The following WDR33 variants were observed in gnomAD, a reference collection of about 807,000 sequenced individuals.
WDR33 encodes WD repeat domain 33.
In WDR33, 47 loss-of-function variants were observed where a neutral mutation model predicts 164.9. That is an observed-to-expected ratio of 0.29 (90% confidence interval 0.23 to 0.36). The LOEUF is 0.36. Ranked by LOEUF, WDR33 falls within the 10% of genes least tolerant of loss-of-function variation. The pLI, the probability that WDR33 is intolerant of heterozygous loss-of-function variation, is 1.00. For synonymous variants in WDR33, 505 were observed against 589.0 expected (o/e 0.86, Z 2.06); for missense variants, 1,137 against 1,754.1 (o/e 0.65, Z 6.28).
At position 127,724,276 on chromosome 2, in the gene WDR33, C is replaced by T; in HGVS notation, c.1196+57G>A. The T allele has an allele frequency of 1.6e-6, 2 of 1,275,188 alleles. No individual in the cohort carries two copies. Among genetic ancestry groups the T allele is most frequent in the Non-Finnish European group, 2.3e-6 (2 of 884,962 alleles). 79.0% of individuals were successfully genotyped at this position (1,275,188 alleles called of 1,614,324 possible). A position where few individuals can be genotyped will look rare whatever the true frequency, so the allele number is the denominator to read the frequency against. On this transcript the variant is annotated intron_variant, in intron 11 of 21. Transcript: ENST00000322313. The surrounding 1 kb of genome is among the most constrained non-coding windows in gnomAD (Gnocchi z 4.8). The stretch of plus-strand genomic sequence containing the variant: ...ATCAACCAATAAAAATAAACACATA[C>T]AGTATTTATTTCCTGTTGCTCCATA...
intron 18 of WDR33, among the ~76,000 whole-genome samples, chr2:127,711,790 T>TTTTTTTTTTTTTTG (rs70985474): frequency 9.1e-6 from 1 of 109,608 alleles, no homozygotes; most frequent in South Asian, 2.9e-4. Flanking sequence ...ATTTTTTTTT[T>TTTTTTTTTTTTTTG]GAGACAGAGT....
intron 7 of WDR33, among the ~76,000 whole-genome samples, chr2:127,758,679 T>C (rs1253553417): frequency 6.6e-6 from 1 of 152,162 alleles, no homozygotes; most frequent in Non-Finnish European, 1.5e-5. Context: ...AAATATGATG[T>C]CTCTCAGTAA....
In WDR33 at chr2:127,720,281, G is replaced by C. The variant is rs1434361625; in HGVS notation, c.1744C>G (p.Leu582Val). ...CCTGGAAAAGGCTGGGGTCCGAGGA[G>C]AGGGGTGCCAGATGAGGGAGGAGGC... ...IQPPPSSGTP[L>V]LGPQPFPGQG... Residue 582 changes from leucine to valine, a missense_variant, in exon 16 of 22, where the codon CTC (leucine) becomes GTC (valine). Leu to Val is a conservative substitution (Grantham distance 32). Transcript: ENST00000322313. The surrounding 1 kb of genome is among the most constrained non-coding windows in gnomAD (Gnocchi z 5.9). The C allele has an allele frequency of 2.6e-6, 4 of 1,529,784 alleles. No homozygotes were observed. The highest frequency in any genetic ancestry group is 2.3e-5 in the East Asian group (1 of 43,980). 94.8% of individuals were successfully genotyped at this position (1,529,784 alleles called of 1,614,324 possible).
intron 7 of WDR33, among the ~76,000 whole-genome samples, chr2:127,746,200 T>C (rs765691636): frequency 7.9e-5 from 12 of 152,136 alleles, no homozygotes; most frequent in Non-Finnish European, 1.6e-4. Flanking sequence ...AAAGAAGTCA[T>C]AGTTCTATTT....
chr2:127,788,224 G>A (rs1303857995), intron 1 of WDR33, among the ~76,000 whole-genome samples: 1 of 133,566 alleles, frequency 7.5e-6, no homozygotes, highest in Non-Finnish European at 1.6e-5. Context: ...CTCCCGGACA[G>A]GGCGGCTGGC....
Position 127,764,853 on chromosome 2 carries a change from G to T in WDR33, c.601C>A (p.His201Asn). 6.2e-7 allele frequency: 1 copy of T among 1,614,170 alleles called. No individual in the cohort carries two copies. The highest frequency in any genetic ancestry group is 8.5e-7 in the Non-Finnish European group (1 of 1,180,028). Reference sequence around the variant, plus strand: ...CTGGCCTCTCTAATCGCCTCCTTATGTGCCTGGAACATCTTGACGTTGTTC... The same window carrying T: ...CTGGCCTCTCTAATCGCCTCCTTATTTGCCTGGAACATCTTGACGTTGTTC... ...NMNNVKMFQA[H>N]KEAIREASFS... The change falls in exon 6 of 22, where the codon CAT becomes AAT. Residue 201 changes from histidine (H) to asparagine (N), a missense_variant. Physicochemically the swap from His to Asn is moderately conservative, Grantham distance 68. Around this residue, in one of 9 missense-constraint regions of WDR33, gnomAD observed 83 missense variants for 189.2 expected, o/e 0.44. Transcript: ENST00000322313. The surrounding 1 kb of genome is among the most constrained non-coding windows in gnomAD (Gnocchi z 6.2).
chr2:127,750,701 T>TGTATGCATAC (rs1558936942), intron 7 of WDR33, among the ~76,000 whole-genome samples: 2 of 55,968 alleles, frequency 3.6e-5, no homozygotes, highest in Admixed American at 1.7e-4. Context: ...TATATATATA[T>TGTATGCATAC]ATATATATAT....
At chr2:127,748,295 G>A (rs1687223361) in intron 7 of WDR33, among the ~76,000 whole-genome samples, 2 of 152,158 alleles carry the variant, frequency 1.3e-5, no homozygotes, top group African/African-American at 2.4e-5. Flanking sequence ...TTGCTGCAAT[G>A]AGCAATAAAT....
At position 127,720,230 on chromosome 2, in the gene WDR33, G is replaced by C; in HGVS notation, c.1795C>G (p.Gln599Glu). 1 of 1,595,094 alleles carries C rather than the reference G, an allele frequency of 6.3e-7. No individual in the cohort carries two copies. Among genetic ancestry groups the C allele is most frequent in the South Asian group, 1.1e-5 (1 of 88,408 alleles). ...PGQGPMSQIP[Q>E]GFQQPHPSQQ... ...GATGGATGGGGCTGTTGAAAACCTT[G>C]AGGAATCTGAGACATTGGACCTTGT... The change falls in exon 16 of 22, where the codon CAA (glutamine) becomes GAA (glutamate). Residue 599 changes from glutamine (Q) to glutamate (E), a missense_variant. Physicochemically the swap from Gln to Glu is conservative, Grantham distance 29 (BLOSUM62 2). Transcript: ENST00000322313. This position sits in a 1 kb window ranked among gnomAD's most constrained non-coding sequence, Gnocchi z 5.9.
rs150181898 is a variant in WDR33 at position 127,708,681 on chromosome 2, G to C, written c.3777C>G (p.Gly1259=). ...APGGPSEDRG[G]KGRGGPGPAQ... ...TAACCACTGGCCTGCTCTTACCTTT[G>C]CCTCCTCGGTCTTCAGAAGGGCCTC... The change falls in exon 21 of 22, where the codon GGC becomes GGG. Residue 1259 remains glycine, a synonymous_variant. Transcript: ENST00000322313. This position sits in a 1 kb window ranked among gnomAD's most constrained non-coding sequence, Gnocchi z 6.7. 13 of 1,601,242 alleles carry C rather than the reference G, an allele frequency of 8.1e-6. No individual in the cohort carries two copies. Among genetic ancestry groups the C allele is most frequent in the Admixed American group, 1.7e-5 (1 of 58,660 alleles).
intron 4 of WDR33, among the ~76,000 whole-genome samples, chr2:127,766,697 AC>A (rs1208585702): frequency 6.6e-6 from 1 of 151,676 alleles, no homozygotes; most frequent in Non-Finnish European, 1.5e-5. Context: ...TGCACATCAT[AC>A]CCCTTTAACC....
intron 1 of WDR33, among the ~76,000 whole-genome samples, chr2:127,780,584 C>A (rs1290082272): frequency 2.0e-5 from 3 of 152,166 alleles, no homozygotes; most frequent in Admixed American, 6.6e-5. Flanking sequence ...TAGGTTTTGG[C>A]CAGGCACAGA....
intron 1 of WDR33, among the ~76,000 whole-genome samples, chr2:127,781,309 TA>T (rs1688360352): frequency 6.6e-6 from 1 of 152,084 alleles, no homozygotes; most frequent in Non-Finnish European, 1.5e-5. Context: ...TGCCAAGAGT[TA>T]GGGGGGTAGG....
In WDR33 at chr2:127,706,365, C is replaced by T. The variant is rs905635931; in HGVS notation, c.3969G>A (p.Pro1323=). ...WGRGSNMNSG[P]PRRGASRGGG... is the part of the protein sequence containing the mutation. The stretch of plus-strand genomic sequence containing the variant: ...CACCCCGTGAAGCTCCTCGCCTCGG[C>T]GGGCCAGAGTTCATGTTACTCCCTC... The change falls in exon 22 of 22, where the codon CCG becomes CCA. Residue 1323 remains proline (P), a synonymous_variant. Coordinates refer to ENST00000322313, the MANE Select transcript of WDR33 (RefSeq NM_018383.5). The surrounding 1 kb of genome is among the most constrained non-coding windows in gnomAD (Gnocchi z 5.1). 22 of 1,601,106 alleles carry T rather than the reference C, an allele frequency of 1.4e-5. No homozygotes were observed. The highest frequency in any genetic ancestry group is 8.6e-5 in the Admixed American group (5 of 58,046).
chr2:127,804,399 A>G (rs1209298299), intron 1 of WDR33, among the ~76,000 whole-genome samples: 2 of 152,226 alleles, frequency 1.3e-5, no homozygotes, highest in Non-Finnish European at 2.9e-5. Flanking sequence ...TGAGACAACT[A>G]GAGAAATTTG....
intron 7 of WDR33, among the ~76,000 whole-genome samples, chr2:127,762,133 C>T (rs541411455): frequency 3.3e-5 from 5 of 152,260 alleles, no homozygotes; most frequent in Admixed American, 6.5e-5. Flanking sequence ...ACCCAACACC[C>T]GTAGCACCCA....
chr2:127,809,968 A>C (rs1451079618), intron 1 of WDR33, among the ~76,000 whole-genome samples: 1 of 152,208 alleles, frequency 6.6e-6, no homozygotes, highest in East Asian at 1.9e-4. Context: ...AAAATGCCAC[A>C]AGAGGTACAA....
chr2:127,751,524 C>G (rs1687362747), intron 7 of WDR33, among the ~76,000 whole-genome samples: 1 of 149,806 alleles, frequency 6.7e-6, no homozygotes, highest in Admixed American at 6.6e-5. Context: ...GTACTCCAAC[C>G]TGGGCAACAG....
chr2:127,715,569 T>C (rs1686280854), intron 17 of WDR33, among the ~76,000 whole-genome samples: 1 of 152,220 alleles, frequency 6.6e-6, no homozygotes, highest in African/African-American at 2.4e-5. Context: ...GCAAAGATCC[T>C]AGCTCCATTT....
Sources: gnomAD v4.1 joint callset for allele counts (sites outside exome capture counted in the v4.1 genomes callset) on GRCh38, gnomAD v4.1.1 for gene constraint, gnomAD v4.1.1 regional missense constraint, Gnocchi (gnomAD v3.1) non-coding constraint, MANE v1.5 for transcripts, NCBI Gene and HGNC (gene_info 2026-07-23, HGNC 2026-07-21) for gene names.